RBMS3: variants seen among roughly 807,000 people sequenced by gnomAD.
RBMS3 encodes the protein RNA-binding motif, single-stranded-interacting protein 3.
In RBMS3, 27 loss-of-function variants were observed where a neutral mutation model predicts 66.8. That is an observed-to-expected ratio of 0.40 (90% confidence interval 0.30 to 0.56). The LOEUF (loss-of-function observed/expected upper bound fraction) is 0.56, where lower values mean the gene tolerates loss of function less well. Ranked by LOEUF, RBMS3 falls within the 20% of genes least tolerant of loss-of-function variation. The probability of loss-of-function intolerance (pLI) is 0.40; values close to 1 mark genes in which losing one functional copy is unlikely to be tolerated. For missense variants in RBMS3, 513 were observed against 549.5 expected (o/e 0.93, Z 0.66); for synonymous variants, 188 against 183.0 (o/e 1.03, Z -0.22).
intron 6 of RBMS3, among the ~76,000 whole-genome samples, chr3:29,772,178 C>A (rs561507773): frequency 3.9e-4 from 60 of 151,994 alleles, no homozygotes; most frequent in Non-Finnish European, 7.2e-4. Context: ...GGATTTCCCC[C>A]CTAGAGCCTC....
At chr3:29,628,641 C>T (rs1212569857) in intron 4 of RBMS3, among the ~76,000 whole-genome samples, 2 of 151,976 alleles carry the variant, frequency 1.3e-5, no homozygotes, top group African/African-American at 4.8e-5. Context: ...TATTCATGTT[C>T]ATCAGTATAC....
chr3:29,944,672 T>G (rs1695174495), intron 12 of RBMS3, among the ~76,000 whole-genome samples: 1 of 151,736 alleles, frequency 6.6e-6, no homozygotes, highest in South Asian at 2.1e-4. Context: ...AGAATTCTTC[T>G]AAATTGGAAA....
chr3:29,936,871 T>A (rs1170932250), intron 11 of RBMS3, among the ~76,000 whole-genome samples: 1 of 152,048 alleles, frequency 6.6e-6, no homozygotes, highest in Non-Finnish European at 1.5e-5. Flanking sequence ...TTGATTTTTT[T>A]AAAAGATAAT....
At chr3:29,812,699 G>A (rs1489742838) in intron 6 of RBMS3, among the ~76,000 whole-genome samples, 3 of 152,260 alleles carry the variant, frequency 2.0e-5, no homozygotes, top group East Asian at 1.9e-4. Context: ...ATGGAAAATA[G>A]TTTTATTGCC....
At chr3:29,582,161 GA>G (rs1181382531) in intron 3 of RBMS3, among the ~76,000 whole-genome samples, 1 of 146,644 alleles carries the variant, frequency 6.8e-6, no homozygotes, top group Non-Finnish European at 1.5e-5. Context: ...TAGATAGATA[GA>G]TAGATAGATA....
chr3:29,495,429 T>C lies in RBMS3; in HGVS notation c.307+6930T>C, dbSNP rs961132418. Among the ~76,000 whole-genome samples, 938 of 149,114 alleles carry C rather than the reference T, an allele frequency of 6.3e-3. 15 individuals are homozygous for C. The highest frequency in any genetic ancestry group is 0.022 in the African/African-American group (902 of 40,788). ...TACATATTTCTTTCTTTTTTTTTTT[T>C]TTTTTTTTTGAGACATAGTCTTCTT... is the stretch of plus-strand genomic sequence containing the variant. On this transcript the variant is annotated intron_variant, in intron 3 of 14. Coordinates refer to ENST00000383767, the MANE Select transcript of RBMS3 (RefSeq NM_001003793.3).
At chr3:29,419,289 T>C (rs1028965863) in intron 1 of RBMS3, among the ~76,000 whole-genome samples, 8 of 152,210 alleles carry the variant, frequency 5.3e-5, no homozygotes, top group African/African-American at 1.4e-4. Context: ...ACTTTCATTA[T>C]CTTAGGACTT....
intron 5 of RBMS3, among the ~76,000 whole-genome samples, chr3:29,742,671 G>C (rs191353536): frequency 6.6e-6 from 1 of 152,232 alleles, no homozygotes; most frequent in East Asian, 1.9e-4. Context: ...CGATTACAAT[G>C]AATTCATTGT....
At chr3:29,633,169 G>T (rs1425589151) in intron 4 of RBMS3, among the ~76,000 whole-genome samples, 1 of 151,588 alleles carries the variant, frequency 6.6e-6, no homozygotes, top group Non-Finnish European at 1.5e-5. Flanking sequence ...TAGAATGCTT[G>T]TATGGCTATC....
At chr3:29,312,127 AT>A (rs1471065830) in intron 1 of RBMS3, among the ~76,000 whole-genome samples, 5 of 151,772 alleles carry the variant, frequency 3.3e-5, no homozygotes, top group African/African-American at 4.8e-5. Flanking sequence ...AACTGTTTAA[AT>A]TTCCTGAACC....
At chr3:29,970,443 T>C (rs1485431996) in intron 12 of RBMS3, among the ~76,000 whole-genome samples, 1 of 152,224 alleles carries the variant, frequency 6.6e-6, no homozygotes, top group African/African-American at 2.4e-5. Flanking sequence ...ATTTCATTAG[T>C]TTTATTTTTT....
At chr3:29,512,406 G>A (rs1341576309) in intron 3 of RBMS3, among the ~76,000 whole-genome samples, 1 of 152,006 alleles carries the variant, frequency 6.6e-6, no homozygotes, top group Non-Finnish European at 1.5e-5. Flanking sequence ...ATTATCTAGA[G>A]ATTATAAATG....
intron 6 of RBMS3, among the ~76,000 whole-genome samples, chr3:29,845,447 T>C (rs1279702561): frequency 1.3e-5 from 2 of 152,250 alleles, no homozygotes; most frequent in Non-Finnish European, 2.9e-5. Context: ...ATATTCATTT[T>C]ATCTATCAAT....
intron 1 of RBMS3, among the ~76,000 whole-genome samples, chr3:29,413,739 A>G (rs965396908): frequency 2.6e-5 from 4 of 152,050 alleles, no homozygotes; most frequent in African/African-American, 9.7e-5. Flanking sequence ...TTCTAGGTGA[A>G]GAGAACTGAA....
intron 4 of RBMS3, among the ~76,000 whole-genome samples, chr3:29,654,313 T>C (rs2050245528): frequency 6.6e-6 from 1 of 152,300 alleles, no homozygotes; most frequent in Non-Finnish European, 1.5e-5. Context: ...ATACGTACTT[T>C]AAGTATTGGA....
At chr3:29,343,181 G>A (rs2036379161) in intron 1 of RBMS3, among the ~76,000 whole-genome samples, 1 of 152,050 alleles carries the variant, frequency 6.6e-6, no homozygotes, top group African/African-American at 2.4e-5. Flanking sequence ...GTACACAGAG[G>A]TTATGAGTTG....
chr3:29,660,673 C>T (rs1470283720), intron 4 of RBMS3, among the ~76,000 whole-genome samples: 1 of 152,042 alleles, frequency 6.6e-6, no homozygotes, highest in Non-Finnish European at 1.5e-5. Flanking sequence ...GTCTCTGTAC[C>T]AAGGATTAGC....
At chr3:29,564,464 C>T (rs895780455) in intron 3 of RBMS3, among the ~76,000 whole-genome samples, 10 of 142,934 alleles carry the variant, frequency 7.0e-5, no homozygotes, top group Middle Eastern at 3.5e-3. Context: ...CCAGCCTGGG[C>T]GACAAGAGCA....
chr3:29,966,748 G>A lies in RBMS3; in HGVS notation c.1099-21395G>A, dbSNP rs9845183. On this transcript the variant is annotated intron_variant, in intron 12 of 14. Coordinates refer to ENST00000383767, the MANE Select transcript of RBMS3 (RefSeq NM_001003793.3). ...ACTATGTTAAAGAGGAGTGGTGACA[G>A]TGGGCATCCTTGTCTTGTTCCAGTT... Among the ~76,000 whole-genome samples, 611 of 152,286 alleles carry A rather than the reference G, an allele frequency of 4.0e-3. 2 individuals are homozygous for A. Among genetic ancestry groups the A allele is most frequent in the African/African-American group, 0.013 (557 of 41,558 alleles).
Sources: gnomAD v4.1 joint callset for allele counts (sites outside exome capture counted in the v4.1 genomes callset) on GRCh38, gnomAD v4.1.1 for gene constraint, MANE v1.5 for transcripts, NCBI Gene and HGNC (gene_info 2026-07-23, HGNC 2026-07-21) for gene names.